KRT6A: variants seen among roughly 807,000 people sequenced by gnomAD.
The protein encoded by KRT6A is keratin, type II cytoskeletal 6A.
In KRT6A, 28 loss-of-function variants were observed where a neutral mutation model predicts 48.6. The ratio of observed to expected loss-of-function variants is 0.58; its 90% confidence interval spans 0.43 to 0.79. The LOEUF is 0.79. Among genes scored for constraint, KRT6A ranks in the 30% least tolerant of loss-of-function variants. KRT6A has a pLI of 0.00. For synonymous variants in KRT6A, 301 were observed against 294.2 expected (o/e 1.02, Z -0.24); for missense variants, 687 against 724.3 (o/e 0.95, Z 0.59).
intron 5 of KRT6A, 171 bp from the exon 6 acceptor site, chr12:52,490,239 A>C (rs1456450231): frequency 3.9e-6 from 5 of 1,297,400 alleles, no homozygotes; most frequent in Non-Finnish European, 5.4e-6. Context: ...CTGGAGTCAC[A>C]GACCATCCTC....
At position 52,487,661 on chromosome 12, in the gene KRT6A, G is replaced by C. The variant is rs547249637; in HGVS notation, c.*59C>G. ...GGAGAGGAAAGGCAACCTGAGGAGA[G>C]GGCTCTGCAGCCAGAGAGGGGCCTG... On this transcript the variant is annotated 3_prime_UTR_variant, in exon 9 of 9. Coordinates refer to ENST00000330722, the MANE Select transcript of KRT6A (RefSeq NM_005554.4). The C allele has an allele frequency of 6.8e-6, 11 of 1,609,884 alleles. No individual in the cohort carries two copies. The highest frequency in any genetic ancestry group is 2.7e-5 in the African/African-American group (2 of 74,940).
intron 6 of KRT6A, among the ~76,000 whole-genome samples, chr12:52,489,045 C>T (rs1938203759): frequency 6.6e-6 from 1 of 152,148 alleles, no homozygotes; most frequent in African/African-American, 2.4e-5. Context: ...TCTCTTTCAC[C>T]TTGAGTCTTG....
At chr12:52,490,339 T>A in intron 5 of KRT6A, 1 of 915,536 alleles carries the variant, frequency 1.1e-6, no homozygotes, top group South Asian at 1.6e-5. Context: ...TGAAGCTAAA[T>A]GCAGAGATGA....
rs1938249001 is a variant in KRT6A, at chr12:52,490,902, T to C, written c.868A>G (p.Thr290Ala). ...NKVELQAKADTLTDEINFLRA... is the reference protein window; with the variant it reads ...NKVELQAKADALTDEINFLRA... ...AGGAAGTTGATCTCGTCTGTGAGAG[T>C]GTCTGCCTTGGCTTGCAGTTCAACC... The change falls in exon 4 of 9, where the codon ACT (threonine) becomes GCT (alanine). Residue 290 changes from threonine to alanine, a missense_variant. Physicochemically the swap from Thr to Ala is moderately conservative, Grantham distance 58. Around this residue, in one of 3 missense-constraint regions of KRT6A, gnomAD observed 566 missense variants for 565.3 expected, o/e 1.00. Transcript: ENST00000330722. 6.2e-7 allele frequency: 1 copy of C among 1,613,952 alleles called. No homozygotes were observed. Among genetic ancestry groups the C allele is most frequent in the Non-Finnish European group, 8.5e-7 (1 of 1,179,886 alleles).
At position 52,492,793 on chromosome 12, in the gene KRT6A, A is replaced by T. The variant is rs377196186; in HGVS notation, c.396T>A (p.Pro132=). The T allele has an allele frequency of 1.8e-4, 290 of 1,613,290 alleles. No individual in the cohort carries two copies. Among genetic ancestry groups the T allele is most frequent in the Middle Eastern group, 3.3e-4 (2 of 6,020 alleles). Residue 132 remains proline (P), a synonymous_variant, in exon 1 of 9, where the codon CCT becomes CCA. Transcript: ENST00000330722. ...TGACGGTGACCTCTTGGATGCCTCCAGGGGGGCACACAGGGAAGCCAGGGC... is the reference window on the plus strand; with the variant it reads ...TGACGGTGACCTCTTGGATGCCTCCTGGGGGGCACACAGGGAAGCCAGGGC... ...FGGPGFPVCP[P]GGIQEVTVNQ... is the part of the protein sequence containing the mutation.
At chr12:52,489,630 G>A (rs1938217892) in intron 6 of KRT6A, among the ~76,000 whole-genome samples, 1 of 152,166 alleles carries the variant, frequency 6.6e-6, no homozygotes, top group South Asian at 2.1e-4. Flanking sequence ...TTGTATTAGT[G>A]TATTTTATGT....
intron 7 of KRT6A, 84 bp downstream of exon 7, chr12:52,488,244 G>A (rs1423840601): frequency 6.2e-7 from 1 of 1,612,960 alleles, no homozygotes; most frequent in Non-Finnish European, 8.5e-7. Context: ...TATGGCCATG[G>A]GCAGTGCACC....
intron 2 of KRT6A, 29 bp from the exon 3 acceptor site, chr12:52,491,201 T>A (rs137877906): frequency 1.9e-6 from 3 of 1,613,792 alleles, no homozygotes; most frequent in Middle Eastern, 1.7e-4. Context: ...GGGACACATT[T>A]GAGCCAGTGG....
chr12:52,492,311 C>A (rs1439217634), intron 1 of KRT6A, among the ~76,000 whole-genome samples: 1 of 152,114 alleles, frequency 6.6e-6, no homozygotes, highest in Non-Finnish European at 1.5e-5. Context: ...TTATCCAGAC[C>A]CCAGAGTGTA....
chr12:52,490,692 C>G lies in KRT6A; in HGVS notation c.954G>C (p.Val318=). 6.2e-7 allele frequency: 1 copy of G among 1,614,214 alleles called. No individual in the cohort carries two copies. The change falls in exon 5 of 9, where the codon GTG becomes GTC. Residue 318 remains valine, a synonymous_variant. Transcript: ENST00000330722. ...QMQTHISDTS[V]VLSMDNNRNL... ...TGCGGTTGTTGTCCATGGACAGCAC[C>G]ACAGATGTGTCTGAGATGTGGGTCT...
Position 52,492,632 on chromosome 12 carries a change from G to T in KRT6A, c.540+17C>A, listed in dbSNP as rs775241103. ...GGGACCCTGAAGTGCCCCATGGAGGGCATGGCACTGGCTCACCTTGTCGAT... is the reference window on the plus strand; with the variant it reads ...GGGACCCTGAAGTGCCCCATGGAGGTCATGGCACTGGCTCACCTTGTCGAT... On this transcript the variant is annotated intron_variant, in intron 1 of 8. Transcript: ENST00000330722. 1.4e-5 allele frequency: 23 copies of T among 1,613,880 alleles called. No individual in the cohort carries two copies. Among genetic ancestry groups the T allele is most frequent in the Non-Finnish European group, 1.9e-5 (22 of 1,179,916 alleles).
At position 52,491,555 on chromosome 12, in the gene KRT6A, C is replaced by A; in HGVS notation, c.722G>T (p.Gly241Val). 1 of 1,607,174 alleles carries A rather than the reference C, an allele frequency of 6.2e-7. No individual in the cohort carries two copies. Among genetic ancestry groups the A allele is most frequent in the Non-Finnish European group, 8.5e-7 (1 of 1,179,810 alleles). The change falls in exon 2 of 9, where the codon GGC (glycine) becomes GTC (valine). Residue 241 changes from glycine to valine, a missense_variant. Gly to Val is a moderately radical substitution (Grantham distance 109). Around this residue, in one of 3 missense-constraint regions of KRT6A, gnomAD observed 566 missense variants for 565.3 expected, o/e 1.00. Coordinates refer to ENST00000330722, the MANE Select transcript of KRT6A (RefSeq NM_005554.4). Reference sequence around the variant, plus strand: ...GAAGTCCTCCACCAGGTCCTGCATGCCTCTGAGCTCTGAGTCCAGGCGGCC... The same window carrying A: ...GAAGTCCTCCACCAGGTCCTGCATGACTCTGAGCTCTGAGTCCAGGCGGCC... ...ERGRLDSELR[G>V]MQDLVEDFKN... is the part of the protein sequence containing the mutation.
At chr12:52,489,798 G>A (rs1219437425) in intron 6 of KRT6A, 145 bp downstream of exon 6, 2 of 1,328,314 alleles carry the variant, frequency 1.5e-6, no homozygotes, top group South Asian at 1.3e-5. Context: ...CTCCTAAGCA[G>A]CAGGTACCCA....
Position 52,488,454 on chromosome 12 carries a change from G to C in KRT6A, c.1298C>G (p.Ala433Gly), listed in dbSNP as rs1241306497. The change falls in exon 7 of 9, where the codon GCC becomes GGC. Residue 433 changes from alanine to glycine, a missense_variant. Around this residue, in one of 3 missense-constraint regions of KRT6A, gnomAD observed 566 missense variants for 565.3 expected, o/e 1.00. Coordinates refer to ENST00000330722, the MANE Select transcript of KRT6A (RefSeq NM_005554.4). ...AKNKLEGLED[A>G]LQKAKQDLAR... is the part of the protein sequence containing the mutation. Reference sequence around the variant, plus strand: ...CAGGTCCTGCTTGGCCTTCTGCAGGGCATCCTCCAGCCCTTCCAGCTTGTT... The same window carrying C: ...CAGGTCCTGCTTGGCCTTCTGCAGGCCATCCTCCAGCCCTTCCAGCTTGTT... 2 of 1,614,052 alleles carry C rather than the reference G, an allele frequency of 1.2e-6. No individual in the cohort carries two copies. The highest frequency in any genetic ancestry group is 2.7e-5 in the African/African-American group (2 of 74,930).
intron 6 of KRT6A, among the ~76,000 whole-genome samples, chr12:52,489,500 C>G (rs1479360264): frequency 1.3e-5 from 2 of 152,284 alleles, no homozygotes; most frequent in Admixed American, 6.5e-5. Flanking sequence ...AGGCTTGTCT[C>G]TCACTCCTGA....
intron 1 of KRT6A, 125 bp downstream of exon 1, chr12:52,492,524 G>T (rs955156744): frequency 1.3e-6 from 2 of 1,552,110 alleles, no homozygotes; most frequent in African/African-American, 2.7e-5. Context: ...GCAGCCATCT[G>T]CACTCTCTGC....
chr12:52,489,861 G>T, intron 6 of KRT6A, 82 bp downstream of exon 6: 2 of 1,609,060 alleles, frequency 1.2e-6, no homozygotes, highest in Non-Finnish European at 1.7e-6. Context: ...AGTTCCAGGG[G>T]ATTTTCCCTA....
Position 52,488,424 on chromosome 12 carries a change from C to A in KRT6A, c.1328G>T (p.Arg443Leu), listed in dbSNP as rs186117617. 6.2e-7 allele frequency: 1 copy of A among 1,614,126 alleles called. No homozygotes were observed. Among genetic ancestry groups the A allele is most frequent in the Non-Finnish European group, 8.5e-7 (1 of 1,180,044 alleles). ...CAGCTCCTGGTACTCCTTCAGCAGC[C>A]GGGCCAGGTCCTGCTTGGCCTTCTG... ...ALQKAKQDLA[R>L]LLKEYQELMN... Residue 443 changes from arginine to leucine, a missense_variant, in exon 7 of 9, where the codon CGG (arginine) becomes CTG (leucine). Physicochemically the swap from Arg to Leu is moderately radical, Grantham distance 102 (BLOSUM62 -2). Transcript: ENST00000330722.
In KRT6A at chr12:52,487,940, G is replaced by C. The variant is rs950919589; in HGVS notation, c.1475C>G (p.Thr492Ser). The change falls in exon 9 of 9, where the codon ACC (threonine) becomes AGC (serine). Residue 492 changes from threonine to serine, a missense_variant. Physicochemically the swap from Thr to Ser is moderately conservative, Grantham distance 58 (BLOSUM62 1). Around this residue, in one of 3 missense-constraint regions of KRT6A, gnomAD observed 566 missense variants for 565.3 expected, o/e 1.00. Coordinates refer to ENST00000330722, the MANE Select transcript of KRT6A (RefSeq NM_005554.4). ...GGCACCGCCATAGCCACTGGAGACG[G>C]TGGACTGCACCACAGCTGTGATGGG... is the stretch of plus-strand genomic sequence containing the variant. ...GQVNISVVQS[T>S]VSSGYGGASG... The C allele has an allele frequency of 6.2e-7, 1 of 1,614,060 alleles. No homozygotes were observed. Among genetic ancestry groups the C allele is most frequent in the Admixed American group, 1.7e-5 (1 of 60,008 alleles).
Sources: gnomAD v4.1 joint callset for allele counts (sites outside exome capture counted in the v4.1 genomes callset) on GRCh38, gnomAD v4.1.1 for gene constraint, gnomAD v4.1.1 regional missense constraint, MANE v1.5 for transcripts, NCBI Gene and HGNC (gene_info 2026-07-23, HGNC 2026-07-21) for gene names.